Variants in ZCWPW2 observed in about 807,000 individuals in gnomAD.
The protein encoded by ZCWPW2 is zinc finger CW-type and PWWP domain containing 2, also known as zinc finger CW-type PWWP domain protein 2.
ZCWPW2 carries 45 observed loss-of-function variants against 46.6 expected under a neutral mutation model. The ratio of observed to expected loss-of-function variants is 0.96; its 90% CI spans 0.76 to 1.24. The LOEUF (loss-of-function observed/expected upper bound fraction) is 1.24. Among genes scored for constraint, ZCWPW2 ranks in the 50% most tolerant of loss-of-function variants. The probability of loss-of-function intolerance (pLI) is 0.00; values close to 1 mark genes in which losing one functional copy is unlikely to be tolerated. For synonymous variants in ZCWPW2, 152 were observed against 137.1 expected (o/e 1.11, Z -0.76); for missense variants, 429 against 403.9 (o/e 1.06, Z -0.53).
At chr3:28,457,194 G>A (rs1006536528) in intron 4 of ZCWPW2, among the ~76,000 whole-genome samples, 12 of 152,078 alleles carry the variant, frequency 7.9e-5, no homozygotes, top group African/African-American at 2.9e-4. Context: ...AATAAATTTA[G>A]AATTATCACT....
At chr3:28,434,921 A>G (rs942685600) in intron 3 of ZCWPW2, among the ~76,000 whole-genome samples, 189 bp from the exon 4 acceptor site, 2 of 152,124 alleles carry the variant, frequency 1.3e-5, no homozygotes, top group Non-Finnish European at 2.9e-5. Flanking sequence ...AAAGCTTTCT[A>G]TAACTATAAA....
At chr3:28,369,925 C>T (rs1035019451) in intron 1 of ZCWPW2, among the ~76,000 whole-genome samples, 2 of 152,154 alleles carry the variant, frequency 1.3e-5, no homozygotes, top group East Asian at 3.9e-4. Context: ...TAGCAATGAG[C>T]GAGGCTCCGT....
In ZCWPW2 at chr3:28,393,521, G is replaced by A. The variant is rs536471092; in HGVS notation, c.-14+2904G>A. Among the ~76,000 whole-genome samples, 8 of 152,024 alleles carry A rather than the reference G, an allele frequency of 5.3e-5. No individual in the cohort carries two copies. The South Asian group carries it at 8.3e-4, about 16-fold the overall frequency. On this transcript the variant is annotated intron_variant, in intron 2 of 9. Transcript: ENST00000383768. ...TTACAGGTCAATATCCCTGATGAAC[G>A]TAGACGCAAAAATCCTCAACAAAAT...
At chr3:28,483,029 T>C (rs533556679) in intron 5 of ZCWPW2, among the ~76,000 whole-genome samples, 9 of 152,238 alleles carry the variant, frequency 5.9e-5, no homozygotes, top group Non-Finnish European at 1.3e-4. Flanking sequence ...ATTATTTCTT[T>C]CATGGACCTT....
At chr3:28,506,932 A>T (rs530799667) in intron 6 of ZCWPW2, among the ~76,000 whole-genome samples, 183 of 152,252 alleles carry the variant, frequency 1.2e-3, no homozygotes, top group Non-Finnish European at 2.2e-3. Flanking sequence ...TCTTCCCTCA[A>T]ATACTTTGAG....
intron 1 of ZCWPW2, among the ~76,000 whole-genome samples, chr3:28,383,601 A>G (rs2125712201): frequency 6.6e-6 from 1 of 152,006 alleles, no homozygotes; most frequent in Middle Eastern, 3.4e-3. Flanking sequence ...CTAGAAGATA[A>G]GAGGTGTGTG....
chr3:28,428,778 A>G (rs370486163), intron 3 of ZCWPW2, among the ~76,000 whole-genome samples: 6 of 152,162 alleles, frequency 3.9e-5, no homozygotes, highest in South Asian at 2.1e-4. Flanking sequence ...CAATGGTTTT[A>G]TAAGGGACTT....
rs1388116736 is a variant in ZCWPW2, at chr3:28,478,872, T to C, written c.551T>C (p.Leu184Pro). 2 of 1,588,684 alleles carry C rather than the reference T, an allele frequency of 1.3e-6. No homozygotes were observed. Among genetic ancestry groups the C allele is most frequent in the Non-Finnish European group, 8.5e-7 (1 of 1,170,562 alleles). Residue 184 changes from leucine to proline, a missense_variant, in exon 5 of 10, where the codon CTA becomes CCA. Physicochemically the swap from Leu to Pro is moderately conservative, Grantham distance 98. Transcript: ENST00000383768. ...AAAAGTGCACTACAAGAAGCATGTC[T>C]ACTCTATGGATATTCTCATGAGCAA... ...WYKSALQEAC[L>P]LYGYSHEQRL...
At chr3:28,367,969 C>G (rs949345830) in intron 1 of ZCWPW2, among the ~76,000 whole-genome samples, 15 of 152,002 alleles carry the variant, frequency 9.9e-5, no homozygotes, top group Admixed American at 2.6e-4. Context: ...GCTTGCAACC[C>G]CTGCCTTTTT....
At chr3:28,394,892 G>A (rs1448075215) in intron 2 of ZCWPW2, among the ~76,000 whole-genome samples, 2 of 152,038 alleles carry the variant, frequency 1.3e-5, no homozygotes, top group African/African-American at 2.4e-5. Flanking sequence ...GGCAATAGAA[G>A]CAAAAATAAA....
At chr3:28,382,806 A>T (rs1042893550) in intron 1 of ZCWPW2, among the ~76,000 whole-genome samples, 43 of 152,180 alleles carry the variant, frequency 2.8e-4, no homozygotes, top group African/African-American at 9.2e-4. Flanking sequence ...ATTTCAGGGT[A>T]CATAGATATT....
intron 4 of ZCWPW2, among the ~76,000 whole-genome samples, chr3:28,440,341 C>G (rs1237563446): frequency 1.3e-5 from 2 of 152,176 alleles, no homozygotes; most frequent in African/African-American, 2.4e-5. Context: ...CCCTCTTGAA[C>G]TAAGACCTCT....
intron 2 of ZCWPW2, among the ~76,000 whole-genome samples, chr3:28,409,712 T>C: frequency 6.6e-6 from 1 of 152,100 alleles, no homozygotes; most frequent in East Asian, 1.9e-4. Flanking sequence ...AGGGTAACTA[T>C]TGTAATAAAA....
intron 1 of ZCWPW2, among the ~76,000 whole-genome samples, chr3:28,363,414 A>G (rs970260168): frequency 3.9e-5 from 6 of 152,198 alleles, no homozygotes; most frequent in African/African-American, 1.2e-4. Context: ...GCTTATTCTC[A>G]TTCTTGGCAG....
Position 28,349,026 on chromosome 3 carries a change from G to T in ZCWPW2, c.-311G>T. 1.0e-6 allele frequency: 1 copy of T among 986,062 alleles called. No individual in the cohort carries two copies. The highest frequency in any genetic ancestry group is 1.2e-6 in the Non-Finnish European group (1 of 830,456). 61.1% of individuals were successfully genotyped at this position (986,062 alleles called of 1,614,324 possible). On this transcript the variant is annotated 5_prime_UTR_variant, in exon 1 of 10. Transcript: ENST00000383768. ...TCCGCGGGCTCGGCGCCAGGGACGC[G>T]CGAGGAAACCGGAAGTCAGGCCCGA...
chr3:28,427,120 T>C (rs573817245), intron 3 of ZCWPW2, among the ~76,000 whole-genome samples: 14 of 152,228 alleles, frequency 9.2e-5, no homozygotes, highest in Middle Eastern at 3.2e-3. Context: ...CGTATACTTT[T>C]CTTGTAATTC....
rs62250269 is a variant in ZCWPW2, at chr3:28,431,219, T to C, written c.333-3891T>C. ...AATAGTTACCTTAATGAAGCAAATA[T>C]ATCTTTGTATCATTTTTCCTCCTCT... On this transcript the variant is annotated intron_variant, in intron 3 of 9. Coordinates refer to ENST00000383768, the MANE Select transcript of ZCWPW2 (RefSeq NM_001040432.4). 6.0e-3 allele frequency among the ~76,000 whole-genome samples: 908 copies of C among 152,322 alleles called. 8 individuals carry two copies. The highest frequency in any genetic ancestry group is 0.02 in the Admixed American group (312 of 15,302).
intron 4 of ZCWPW2, among the ~76,000 whole-genome samples, chr3:28,445,712 G>A (rs1194975739): frequency 6.6e-6 from 1 of 152,032 alleles, no homozygotes; most frequent in Non-Finnish European, 1.5e-5. Context: ...ATTTAAATGG[G>A]TTAAACTCCC....
At chr3:28,407,465 C>T (rs527816498) in intron 2 of ZCWPW2, among the ~76,000 whole-genome samples, 98 of 152,232 alleles carry the variant, frequency 6.4e-4, no homozygotes, top group African/African-American at 2.3e-3. Context: ...ATTCAAAAAA[C>T]ATTGAGTATC....
Sources: gnomAD v4.1 joint callset for allele counts (sites outside exome capture counted in the v4.1 genomes callset) on GRCh38, gnomAD v4.1.1 for gene constraint, MANE v1.5 for transcripts, NCBI Gene and HGNC (gene_info 2026-07-23, HGNC 2026-07-21) for gene names.